SERPINB7: variants seen among roughly 807,000 people sequenced by gnomAD.
SERPINB7 encodes the protein serpin family B member 7.
SERPINB7 carries 31 observed loss-of-function variants against 37.4 expected under a neutral mutation model. The observed-to-expected ratio is 0.83, with a 90% confidence interval of 0.62 to 1.12. The LOEUF is 1.12. SERPINB7 is among the 50% of genes most tolerant of loss of function. SERPINB7 has a pLI of 0.00. For synonymous variants in SERPINB7, 163 were observed against 166.1 expected (o/e 0.98, Z 0.14); for missense variants, 521 against 455.3 (o/e 1.14, Z -1.31).
chr18:63,798,857 T>G, intron 6 of SERPINB7, 111 bp downstream of exon 6: 1 of 1,095,430 alleles, frequency 9.1e-7, no homozygotes. Flanking sequence ...AACCCATTTC[T>G]TCTTTTGCAT....
In SERPINB7 at chr18:63,804,296, C is replaced by T. The variant is rs778040294; in HGVS notation, c.804C>T (p.Thr268=). 3 of 1,610,346 alleles carry T rather than the reference C, an allele frequency of 1.9e-6. No individual in the cohort carries two copies. Among genetic ancestry groups the T allele is most frequent in the Non-Finnish European group, 2.5e-6 (3 of 1,178,546 alleles). The part of the protein sequence containing the change: ...LMEWTNPRRM[T]SKYVEVFFPQ... ...AATGGACCAATCCAAGGCGAATGAC[C>T]TCTAAGTATGTTGAGGTATTTTTTC... The change falls in exon 8 of 8, where the codon ACC becomes ACT. Residue 268 remains threonine (T), a synonymous_variant. Coordinates refer to ENST00000398019, the MANE Select transcript of SERPINB7 (RefSeq NM_003784.4).
chr18:63,766,602 G>A (rs763328803), intron 1 of SERPINB7, among the ~76,000 whole-genome samples: 15 of 151,992 alleles, frequency 9.9e-5, no homozygotes, highest in Non-Finnish European at 1.9e-4. Context: ...GGATCATTTT[G>A]CAGGAATGTT....
chr18:63,798,183 G>T (rs2049508225), intron 5 of SERPINB7, among the ~76,000 whole-genome samples: 1 of 152,206 alleles, frequency 6.6e-6, no homozygotes, highest in East Asian at 1.9e-4. Flanking sequence ...TGGAATGAAG[G>T]AGGGCATTAC....
chr18:63,796,982 C>A (rs1325718998), intron 5 of SERPINB7, among the ~76,000 whole-genome samples: 2 of 151,946 alleles, frequency 1.3e-5, no homozygotes, highest in African/African-American at 4.8e-5. Context: ...CTTTATTTAC[C>A]AAAATAATTT....
At chr18:63,769,230 A>C (rs2049196553) in intron 1 of SERPINB7, among the ~76,000 whole-genome samples, 1 of 150,672 alleles carries the variant, frequency 6.6e-6, no homozygotes, top group South Asian at 2.1e-4. Context: ...TGATTGAAAA[A>C]TTTCTGTTGA....
rs527378227 is a variant in SERPINB7, at chr18:63,780,337, T to C, written c.-18-2018T>C. ...AAAATCAGCATAGATTTCATTTTCA[T>C]ATATTTAATTGTAAACTTGTTAATT... On this transcript the variant is annotated intron_variant, in intron 1 of 7. Coordinates refer to ENST00000398019, the MANE Select transcript of SERPINB7 (RefSeq NM_003784.4). 1.4e-3 allele frequency among the ~76,000 whole-genome samples: 210 copies of C among 152,342 alleles called. 1 individual carries two copies. The Middle Eastern group carries it at 0.02, about 15-fold the overall frequency.
At chr18:63,759,975 G>A (rs1023553814) in intron 1 of SERPINB7, among the ~76,000 whole-genome samples, 4 of 152,118 alleles carry the variant, frequency 2.6e-5, no homozygotes, top group African/African-American at 4.8e-5. Context: ...ACAGTAAATT[G>A]GTACCAGGAG....
chr18:63,776,123 C>T (rs1230055215), intron 1 of SERPINB7, among the ~76,000 whole-genome samples: 1 of 152,126 alleles, frequency 6.6e-6, no homozygotes, highest in Non-Finnish European at 1.5e-5. Flanking sequence ...ACACAATGCG[C>T]CATGACCCTA....
At chr18:63,753,181 T>G (rs1461099983) in intron 1 of SERPINB7, 4 of 152,212 alleles carry the variant, frequency 2.6e-5, no homozygotes, top group Non-Finnish European at 1.5e-5. Flanking sequence ...CTAAGATGGA[T>G]GGACAGCCCC....
At chr18:63,773,322 A>AC (rs950094527), upstream of SERPINB7, among the ~76,000 whole-genome samples, 1 of 152,102 alleles carries the variant, frequency 6.6e-6, no homozygotes, top group Non-Finnish European at 1.5e-5. Context: ...AACACAAATG[A>AC]CATCAGCTTC....
At chr18:63,762,321 G>A (rs2049158750) in intron 1 of SERPINB7, among the ~76,000 whole-genome samples, 1 of 152,136 alleles carries the variant, frequency 6.6e-6, no homozygotes, top group African/African-American at 2.4e-5. Flanking sequence ...ATCTTCTTTG[G>A]TTTAATGTGC....
At chr18:63,795,192 C>A (rs2144635938) in intron 4 of SERPINB7, among the ~76,000 whole-genome samples, 1 of 152,204 alleles carries the variant, frequency 6.6e-6, no homozygotes, top group South Asian at 2.1e-4. Flanking sequence ...AGGACTCAGA[C>A]AATCTCAAAG....
At chr18:63,775,848 G>C (rs973894373) in intron 1 of SERPINB7, 132 bp downstream of exon 1, 1 of 152,122 alleles carries the variant, frequency 6.6e-6, no homozygotes, top group African/African-American at 2.4e-5. Context: ...ATGCTCAGAG[G>C]CCTGAAATCT....
At chr18:63,766,226 G>A (rs145397131) in intron 1 of SERPINB7, among the ~76,000 whole-genome samples, 104 of 152,192 alleles carry the variant, frequency 6.8e-4, no homozygotes, top group African/African-American at 1.9e-3. Context: ...GAATTCTTTC[G>A]TTTGTTTTTA....
chr18:63,783,837 C>G (rs942541466), intron 2 of SERPINB7, among the ~76,000 whole-genome samples: 2 of 152,188 alleles, frequency 1.3e-5, no homozygotes, highest in East Asian at 3.9e-4. Context: ...AATCTGGTGC[C>G]TGTTGTAACC....
In SERPINB7 at chr18:63,800,877, G is replaced by A; in HGVS notation, c.609G>A (p.Lys203=). The change falls in exon 7 of 8, where the codon AAG becomes AAA. Residue 203 remains lysine (K), a synonymous_variant. Coordinates refer to ENST00000398019, the MANE Select transcript of SERPINB7 (RefSeq NM_003784.4). ...GACTTGACTTTCAGTGCTCTGGGAA[G>A]GCAGTCGCCATGATGCATCAGGAAC... ...CHFKSPKCSG[K]AVAMMHQERK... is the part of the protein sequence containing the mutation. 1 of 1,613,474 alleles carries A rather than the reference G, an allele frequency of 6.2e-7. No individual in the cohort carries two copies. The highest frequency in any genetic ancestry group is 8.5e-7 in the Non-Finnish European group (1 of 1,179,770).
At chr18:63,794,110 A>ATTTTTTTTTTT (rs34450022) in intron 4 of SERPINB7, among the ~76,000 whole-genome samples, 319 of 105,540 alleles carry the variant, frequency 3.0e-3, no homozygotes, top group African/African-American at 5.5e-3. Flanking sequence ...CATCCTGCTA[A>ATTTTTTTTTTT]TTTTTTTTTT....
upstream of SERPINB7, among the ~76,000 whole-genome samples, chr18:63,773,157 A>T (rs1233415729): frequency 6.6e-6 from 1 of 152,124 alleles, no homozygotes; most frequent in Non-Finnish European, 1.5e-5. Flanking sequence ...ATGAATTCAC[A>T]TGATAGAATC....
intron 1 of SERPINB7, among the ~76,000 whole-genome samples, chr18:63,770,256 C>T (rs1385799911): frequency 2.0e-5 from 3 of 151,258 alleles, no homozygotes; most frequent in Non-Finnish European, 4.4e-5. Context: ...AGTATTATAG[C>T]TGCAGGGTGT....
Sources: gnomAD v4.1 joint callset for allele counts (sites outside exome capture counted in the v4.1 genomes callset) on GRCh38, gnomAD v4.1.1 for gene constraint, MANE v1.5 for transcripts, NCBI Gene and HGNC (gene_info 2026-07-23, HGNC 2026-07-21) for gene names.